The following KCND2 variants were observed in gnomAD, a reference collection of about 807,000 sequenced individuals.
The protein encoded by KCND2 is A-type voltage-gated potassium channel KCND2.
KCND2 carries 16 observed loss-of-function variants against 54.4 expected under a neutral mutation model. That is an observed-to-expected ratio of 0.29 (90% CI 0.20 to 0.45). KCND2 has a LOEUF of 0.45. Among genes scored for constraint, KCND2 ranks in the 20% least tolerant of loss-of-function variants. KCND2 has a pLI of 1.00. For missense variants in KCND2, 486 were observed against 824.2 expected (o/e 0.59, Z 5.02); for synonymous variants, 317 against 310.7 (o/e 1.02, Z -0.21).
chr7:120,458,467 GC>G (rs1410514733), intron 1 of KCND2, among the ~76,000 whole-genome samples: 3 of 152,094 alleles, frequency 2.0e-5, no homozygotes, highest in Non-Finnish European at 4.4e-5. Flanking sequence ...ACCAACTCAT[GC>G]CCACCATAAC....
chr7:120,340,638 A>G (rs1022064515), intron 1 of KCND2, among the ~76,000 whole-genome samples: 4 of 152,214 alleles, frequency 2.6e-5, no homozygotes, highest in Non-Finnish European at 4.4e-5. Context: ...TGATAAGCCA[A>G]GTATGGTAAG....
At chr7:120,535,798 C>A (rs1377593484) in intron 1 of KCND2, among the ~76,000 whole-genome samples, 2 of 152,164 alleles carry the variant, frequency 1.3e-5, no homozygotes, top group Non-Finnish European at 2.9e-5. Context: ...AATGAATGTG[C>A]TATCCATAGC....
intron 1 of KCND2, among the ~76,000 whole-genome samples, chr7:120,566,282 A>C (rs2116418665): frequency 6.6e-6 from 1 of 152,306 alleles, no homozygotes; most frequent in Admixed American, 6.5e-5. Flanking sequence ...ACTGGATATT[A>C]ATACATCTTT....
chr7:120,377,645 G>C (rs141764800), intron 1 of KCND2, among the ~76,000 whole-genome samples: 1 of 152,012 alleles, frequency 6.6e-6, no homozygotes, highest in East Asian at 1.9e-4. Context: ...CTGACATTTA[G>C]ATTCTTGAAC....
At chr7:120,583,791 G>C (rs1017765103) in intron 1 of KCND2, among the ~76,000 whole-genome samples, 4 of 148,370 alleles carry the variant, frequency 2.7e-5, no homozygotes, top group Admixed American at 2.0e-4. Flanking sequence ...TTGTGGGGGG[G>C]GGGACAAAAT....
At chr7:120,455,498 A>G (rs1484089444) in intron 1 of KCND2, among the ~76,000 whole-genome samples, 1 of 152,176 alleles carries the variant, frequency 6.6e-6, no homozygotes, top group Non-Finnish European at 1.5e-5. Context: ...ACCCAAAGGA[A>G]TTTAAATTGT....
intron 1 of KCND2, chr7:120,464,226 T>TAA (rs78293887): frequency 5.0e-5 from 9 of 179,784 alleles, no homozygotes; most frequent in East Asian, 2.0e-4. Context: ...CTGGTCAAGG[T>TAA]AAAAAAAAAA....
intron 1 of KCND2, among the ~76,000 whole-genome samples, chr7:120,384,019 C>T (rs1028222491): frequency 6.6e-6 from 1 of 152,040 alleles, no homozygotes; most frequent in African/African-American, 2.4e-5. Context: ...CTGCAGATAA[C>T]AAAATCTGTG....
At position 120,324,731 on chromosome 7, in the gene KCND2, T is replaced by C. The variant is rs1459269451; in HGVS notation, c.1115+48984T>C. Reference sequence around the variant, plus strand: ...TGTAGTATAATTTGAAGTCAGGTAGTGTGATGCCTCCAGCTTTGTTCTTTT... The same window carrying C: ...TGTAGTATAATTTGAAGTCAGGTAGCGTGATGCCTCCAGCTTTGTTCTTTT... On this transcript the variant is annotated intron_variant, in intron 1 of 5. Coordinates refer to ENST00000331113, the MANE Select transcript of KCND2 (RefSeq NM_012281.3). 3.3e-5 allele frequency among the ~76,000 whole-genome samples: 5 copies of C among 151,820 alleles called. No homozygotes were observed. The East Asian group carries it at 5.8e-4, about 18-fold the overall frequency.
At chr7:120,701,819 A>T (rs1458428668) in intron 1 of KCND2, among the ~76,000 whole-genome samples, 3 of 152,192 alleles carry the variant, frequency 2.0e-5, no homozygotes, top group Non-Finnish European at 4.4e-5. Flanking sequence ...AAGAAAGATT[A>T]AAGACTTAAA....
chr7:120,531,070 C>T (rs574178753), intron 1 of KCND2, among the ~76,000 whole-genome samples: 16 of 152,188 alleles, frequency 1.1e-4, no homozygotes, highest in African/African-American at 3.9e-4. Flanking sequence ...AGAAAACCAG[C>T]AGTTTTACCA....
At chr7:120,334,385 C>G (rs758869422) in intron 1 of KCND2, among the ~76,000 whole-genome samples, 1 of 152,176 alleles carries the variant, frequency 6.6e-6, no homozygotes, top group African/African-American at 2.4e-5. Flanking sequence ...CCAAAAATTT[C>G]AGTCTTATAA....
At chr7:120,329,728 C>T (rs994224402) in intron 1 of KCND2, among the ~76,000 whole-genome samples, 28 of 152,080 alleles carry the variant, frequency 1.8e-4, no homozygotes, top group African/African-American at 6.5e-4. Context: ...TTTCAAACTA[C>T]CCTTAAATTG....
chr7:120,443,748 G>A (rs1801978723), intron 1 of KCND2, among the ~76,000 whole-genome samples: 2 of 151,278 alleles, frequency 1.3e-5, no homozygotes, highest in South Asian at 4.2e-4. Context: ...TCTTTCTTTA[G>A]TAAGCCATTC....
intron 1 of KCND2, among the ~76,000 whole-genome samples, chr7:120,665,831 T>C (rs1291871449): frequency 6.6e-6 from 1 of 152,012 alleles, no homozygotes; most frequent in Non-Finnish European, 1.5e-5. Flanking sequence ...AAGTAACAAA[T>C]AGGGAAGTAA....
chr7:120,677,380 C>T (rs1792075397), intron 1 of KCND2, among the ~76,000 whole-genome samples: 1 of 151,970 alleles, frequency 6.6e-6, no homozygotes, highest in South Asian at 2.1e-4. Flanking sequence ...AGAGAAGAGT[C>T]ATAAAATAAG....
chr7:120,373,869 T>C (rs1800799893), intron 1 of KCND2, among the ~76,000 whole-genome samples: 1 of 151,852 alleles, frequency 6.6e-6, no homozygotes, highest in Admixed American at 6.6e-5. Context: ...AGCTTTGAAG[T>C]TTATCTGTTT....
intron 1 of KCND2, among the ~76,000 whole-genome samples, chr7:120,647,974 C>G (rs112680349): frequency 1.3e-5 from 2 of 152,086 alleles, no homozygotes; most frequent in Non-Finnish European, 2.9e-5. Context: ...GCTTTGTCGG[C>G]ATGTCTAAGT....
intron 1 of KCND2, among the ~76,000 whole-genome samples, chr7:120,662,041 G>A (rs1351166062): frequency 5.3e-5 from 8 of 152,052 alleles, no homozygotes; most frequent in Non-Finnish European, 1.2e-4. Flanking sequence ...TTTAGGTTTT[G>A]CCAATTCTTT....
Sources: allele counts gnomAD v4.1 joint callset (sites outside exome capture counted in the v4.1 genomes callset), GRCh38; gene constraint gnomAD v4.1.1; transcripts MANE v1.5; gene names NCBI Gene and HGNC (gene_info 2026-07-23, HGNC 2026-07-21).